Variants in AFF3 observed in about 807,000 individuals in gnomAD.
The protein encoded by AFF3 is AF4/FMR2 family member 3.
A neutral mutation model predicts 129.7 loss-of-function variants in AFF3; 32 were observed. The ratio of observed to expected loss-of-function variants is 0.25; its 90% CI spans 0.19 to 0.33. The LOEUF (loss-of-function observed/expected upper bound fraction) is 0.33, where lower values mean the gene tolerates loss of function less well. Ranked by LOEUF, AFF3 falls within the 10% of genes least tolerant of loss-of-function variation. The pLI, the probability that AFF3 is intolerant of heterozygous loss-of-function variation, is 1.00. For missense variants in AFF3, 1,373 were observed against 1,592.0 expected, an observed-to-expected ratio of 0.86 and a Z score of 2.34; for synonymous variants, 644 against 635.4, an observed-to-expected ratio of 1.01 and a Z score of -0.20.
chr2:100,006,580 T>C (rs1292754177), intron 7 of AFF3, 52 bp downstream of exon 7: 5 of 1,516,266 alleles, frequency 3.3e-6, no homozygotes, highest in Non-Finnish European at 4.4e-6. Context: ...GAGGGTCAAA[T>C]TGTCACTTGT....
intron 7 of AFF3, among the ~76,000 whole-genome samples, chr2:99,891,141 T>C (rs1397093549): frequency 6.6e-6 from 1 of 151,822 alleles, no homozygotes; most frequent in Non-Finnish European, 1.5e-5. Context: ...GGACAAGGAT[T>C]TGAGTAAGTA....
intron 2 of AFF3, chr2:100,105,935 TGG>T: frequency 7.5e-7 from 1 of 1,329,030 alleles, no homozygotes; most frequent in Middle Eastern, 2.1e-4. Context: ...TTCCTTTTTC[TGG>T]GCAAGAACCG....
chr2:100,001,552 C>A (rs1019633946), intron 7 of AFF3, among the ~76,000 whole-genome samples: 7 of 152,200 alleles, frequency 4.6e-5, no homozygotes, highest in Non-Finnish European at 1.0e-4. Context: ...CCTCAGCCTC[C>A]TGAGTAGCTG....
chr2:100,015,832 T>C (rs1293722238), intron 4 of AFF3, among the ~76,000 whole-genome samples: 1 of 152,096 alleles, frequency 6.6e-6, no homozygotes, highest in Non-Finnish European at 1.5e-5. Flanking sequence ...GTTGTTGTGG[T>C]TGTGATGCTA....
intron 12 of AFF3, among the ~76,000 whole-genome samples, chr2:99,656,354 C>T (rs1056372359): frequency 4.6e-5 from 7 of 152,156 alleles, no homozygotes; most frequent in Admixed American, 2.0e-4. Context: ...ATTTATTCTG[C>T]TGACAATAAA....
chr2:99,789,074 T>C (rs1685010368), intron 8 of AFF3, among the ~76,000 whole-genome samples: 1 of 152,210 alleles, frequency 6.6e-6, no homozygotes, highest in African/African-American at 2.4e-5. Flanking sequence ...TCTCAGAACA[T>C]ATCCATATTG....
At chr2:99,564,599 T>C (rs1320635675) in intron 20 of AFF3, among the ~76,000 whole-genome samples, 1 of 152,136 alleles carries the variant, frequency 6.6e-6, no homozygotes, top group Non-Finnish European at 1.5e-5. Flanking sequence ...TGGAAACTAT[T>C]TACTGAGGGA....
intron 12 of AFF3, among the ~76,000 whole-genome samples, chr2:99,661,310 G>T (rs1430366651): frequency 1.3e-5 from 2 of 152,232 alleles, no homozygotes; most frequent in Admixed American, 1.3e-4. Flanking sequence ...CCCTCTCCTG[G>T]CTCCTGAATG....
chr2:100,016,010 G>T (rs1357186149), intron 4 of AFF3, among the ~76,000 whole-genome samples: 2 of 148,864 alleles, frequency 1.3e-5, no homozygotes, highest in Non-Finnish European at 3.0e-5. Flanking sequence ...GGCAGTGAAG[G>T]TGTTGTGGTA....
At chr2:99,811,163 A>C (rs753717808) in intron 8 of AFF3, among the ~76,000 whole-genome samples, 5 of 152,174 alleles carry the variant, frequency 3.3e-5, no homozygotes, top group African/African-American at 4.8e-5. Context: ...ATCTATTGAG[A>C]GCAATGAAAG....
At chr2:99,868,364 T>C (rs552756923) in intron 7 of AFF3, among the ~76,000 whole-genome samples, 1 of 152,240 alleles carries the variant, frequency 6.6e-6, no homozygotes, top group South Asian at 2.1e-4. Flanking sequence ...GCATCTGAAA[T>C]ATATTCAACA....
chr2:99,869,553 C>T (rs1691706932), intron 7 of AFF3, among the ~76,000 whole-genome samples: 2 of 152,184 alleles, frequency 1.3e-5, no homozygotes, highest in Admixed American at 1.3e-4. Flanking sequence ...CTTCACAGGA[C>T]TTTGACTGAT....
chr2:99,563,216 A>T (rs1675637781), intron 20 of AFF3, among the ~76,000 whole-genome samples: 1 of 150,856 alleles, frequency 6.6e-6, no homozygotes, highest in Non-Finnish European at 1.5e-5. Context: ...CTTGAGACAG[A>T]GTCTCGCTCT....
chr2:99,590,074 C>T (rs1205473875), intron 15 of AFF3, among the ~76,000 whole-genome samples: 1 of 152,210 alleles, frequency 6.6e-6, no homozygotes, highest in Non-Finnish European at 1.5e-5. Flanking sequence ...AGAGGCCCTA[C>T]CTGTGGTGCC....
At position 100,044,388 on chromosome 2, in the gene AFF3, T is replaced by C. The variant is rs77191474; in HGVS notation, c.54-35456A>G. Among the ~76,000 whole-genome samples the C allele has an allele frequency of 3.0e-3, 455 of 152,300 alleles. 1 individual carries two copies. Among genetic ancestry groups the C allele is most frequent in the Middle Eastern group, 0.02 (6 of 294 alleles). ...AAGAGAAAACCTCTGCATCTCTAAA[T>C]GAAAACACTGAACGTATTCAGAATA... On this transcript the variant is annotated intron_variant, in intron 4 of 24. Coordinates refer to ENST00000672756, the MANE Select transcript of AFF3 (RefSeq NM_001386135.1).
At chr2:99,886,287 CACTT>C (rs929841805) in intron 7 of AFF3, among the ~76,000 whole-genome samples, 4 of 152,156 alleles carry the variant, frequency 2.6e-5, no homozygotes, top group Non-Finnish European at 5.9e-5. Flanking sequence ...GTTGGTGGAG[CACTT>C]ACTTTGTCCC....
rs772164525 is a variant in AFF3, at chr2:100,006,826, C to G, written c.679G>C (p.Val227Leu). ...ACATACGCGGTCGGTTTCTGCTGGACCAGGCTGGGTTTTGAAGCTAGGGAT... is the reference window on the plus strand; with the variant it reads ...ACATACGCGGTCGGTTTCTGCTGGAGCAGGCTGGGTTTTGAAGCTAGGGAT... The part of the protein sequence containing the change: ...PPSLASKPSL[V>L]QQKPTAYVRP... The change falls in exon 7 of 25, where the codon GTC becomes CTC. Residue 227 changes from valine (V) to leucine (L), a missense_variant. Val to Leu is a conservative substitution (Grantham distance 32, BLOSUM62 1). Around this residue, in one of 9 missense-constraint regions of AFF3, gnomAD observed 255 missense variants for 256.0 expected, o/e 1.00. Transcript: ENST00000672756. The G allele has an allele frequency of 3.7e-6, 6 of 1,614,086 alleles. No homozygotes were observed. Among genetic ancestry groups the G allele is most frequent in the Non-Finnish European group, 5.1e-6 (6 of 1,180,038 alleles).
chr2:100,136,192 G>A (rs1692635694), intron 1 of AFF3, among the ~76,000 whole-genome samples: 1 of 152,202 alleles, frequency 6.6e-6, no homozygotes, highest in East Asian at 1.9e-4. Context: ...AAGAAGTCAG[G>A]GCTGGGAGAT....
chr2:100,137,608 A>G lies in AFF3; in HGVS notation c.-228+4876T>C, dbSNP rs201023304. ...AAAGGGATTTTATTCAAATACAACC[A>G]CATGAACTGCCTGTACAGCCTAGAC... On this transcript the variant is annotated intron_variant, in intron 1 of 24. Transcript: ENST00000672756. 2.0e-5 allele frequency among the ~76,000 whole-genome samples: 3 copies of G among 152,300 alleles called. No homozygotes were observed. In the East Asian group the frequency reaches 5.8e-4, roughly 29 times the overall value.
Sources: gnomAD v4.1 joint callset for allele counts (sites outside exome capture counted in the v4.1 genomes callset) on GRCh38, gnomAD v4.1.1 for gene constraint, gnomAD v4.1.1 regional missense constraint, MANE v1.5 for transcripts, NCBI Gene and HGNC (gene_info 2026-07-23, HGNC 2026-07-21) for gene names.